PUM1: variants seen among roughly 807,000 people sequenced by gnomAD.
The protein encoded by PUM1 is pumilio RNA binding family member 1.
In PUM1, 13 loss-of-function variants were observed where a neutral mutation model predicts 131.8. The ratio of observed to expected loss-of-function variants is 0.10; its 90% CI spans 0.06 to 0.16. The LOEUF is 0.16. PUM1 is among the 10% of genes least tolerant of loss of function. The probability of loss-of-function intolerance (pLI) is 1.00; values close to 1 mark genes in which losing one functional copy is unlikely to be tolerated. For missense variants in PUM1, 961 were observed against 1,512.4 expected, an observed-to-expected ratio of 0.64 and a Z score of 6.05; for synonymous variants, 509 against 556.5, an observed-to-expected ratio of 0.91 and a Z score of 1.20.
Position 30,966,501 on chromosome 1 carries a change from T to C in PUM1, c.1790-223A>G, listed in dbSNP as rs1456836874. On this transcript the variant is annotated intron_variant, in intron 12 of 21. Coordinates refer to ENST00000426105, the MANE Select transcript of PUM1 (RefSeq NM_001020658.2). Reference sequence around the variant, plus strand: ...CACTAGAACAAGTTCACTATGCTGGTTGCTTTTAAGAGTATACAGATTAAA... The same window carrying C: ...CACTAGAACAAGTTCACTATGCTGGCTGCTTTTAAGAGTATACAGATTAAA... 5 of 515,772 alleles carry C rather than the reference T, an allele frequency of 9.7e-6. No individual in the cohort carries two copies. The Admixed American group carries it at 1.1e-4, about 11-fold the overall frequency. 31.9% of individuals were successfully genotyped at this position (515,772 alleles called of 1,614,324 possible). A position where few individuals can be genotyped will look rare whatever the true frequency, so the allele number is the denominator to read the frequency against.
At chr1:30,980,007 T>C (rs1641297557) in intron 9 of PUM1, 55 bp downstream of exon 9, 1 of 1,281,804 alleles carries the variant, frequency 7.8e-7, no homozygotes, top group Non-Finnish European at 1.1e-6. Context: ...TGCACGCCCA[T>C]CTCAAATGAC....
chr1:30,964,554 G>C, intron 14 of PUM1, 120 bp downstream of exon 14: 3 of 843,016 alleles, frequency 3.6e-6, no homozygotes, highest in Non-Finnish European at 5.9e-6. Flanking sequence ...GGAAGGCACA[G>C]AACACCCAGG....
intron 6 of PUM1, among the ~76,000 whole-genome samples, chr1:30,994,526 A>T (rs1401654431): frequency 6.6e-6 from 1 of 152,250 alleles, no homozygotes; most frequent in African/African-American, 2.4e-5. Context: ...GATATGATTA[A>T]GAACAAATCA....
chr1:30,989,916 T>C (rs1226814236), intron 7 of PUM1, among the ~76,000 whole-genome samples: 1 of 152,222 alleles, frequency 6.6e-6, no homozygotes, highest in Non-Finnish European at 1.5e-5. Context: ...CAGAGAATTA[T>C]GTACATTTTT....
At chr1:31,017,512 G>A (rs533818347) in intron 3 of PUM1, among the ~76,000 whole-genome samples, 38 of 151,954 alleles carry the variant, frequency 2.5e-4, no homozygotes, top group Non-Finnish European at 4.0e-4. Context: ...TTTATTTTGC[G>A]ATTTTTTTCT....
intron 3 of PUM1, among the ~76,000 whole-genome samples, chr1:31,025,178 A>G (rs1643176704): frequency 6.6e-6 from 1 of 152,210 alleles, no homozygotes; most frequent in Admixed American, 6.5e-5. Flanking sequence ...TTGGAGAGTG[A>G]TATTTTTAAG....
chr1:31,001,520 G>C (rs1190829764), intron 5 of PUM1, among the ~76,000 whole-genome samples: 1 of 152,116 alleles, frequency 6.6e-6, no homozygotes, highest in Non-Finnish European at 1.5e-5. Flanking sequence ...AAGCAATACA[G>C]CTAAAAATTG....
chr1:31,042,831 G>A (rs993511578), intron 2 of PUM1, among the ~76,000 whole-genome samples: 6 of 152,126 alleles, frequency 3.9e-5, no homozygotes, highest in Non-Finnish European at 7.4e-5. Context: ...GTAGCACGAC[G>A]TCGGCTCACT....
chr1:31,005,078 T>C (rs1182100763), intron 5 of PUM1, among the ~76,000 whole-genome samples: 1 of 152,194 alleles, frequency 6.6e-6, no homozygotes, highest in Non-Finnish European at 1.5e-5. Flanking sequence ...AGTCGCAGAA[T>C]TCAAAATGAG....
intron 19 of PUM1, 149 bp from the exon 20 acceptor site, chr1:30,941,421 G>A: frequency 1.4e-6 from 1 of 730,284 alleles, no homozygotes; most frequent in Non-Finnish European, 2.1e-6. Context: ...TTTAAGACAG[G>A]TAGTAACGTT....
At chr1:30,976,248 T>C (rs942461895) in intron 9 of PUM1, among the ~76,000 whole-genome samples, 7 of 152,216 alleles carry the variant, frequency 4.6e-5, no homozygotes, top group African/African-American at 1.7e-4. Flanking sequence ...AATCTAATTA[T>C]AGAATTCTAT....
chr1:31,011,960 A>G (rs1304657866), intron 3 of PUM1, among the ~76,000 whole-genome samples: 1 of 152,252 alleles, frequency 6.6e-6, no homozygotes, highest in African/African-American at 2.4e-5. Context: ...AGATGTAGCC[A>G]GTATTATCCA....
chr1:31,053,293 C>A (rs1268958644), intron 2 of PUM1, among the ~76,000 whole-genome samples: 1 of 150,772 alleles, frequency 6.6e-6, no homozygotes, highest in African/African-American at 2.4e-5. Flanking sequence ...AGCCACCACG[C>A]CCAGTCCACA....
chr1:31,035,350 A>G (rs1643572890), intron 2 of PUM1, among the ~76,000 whole-genome samples: 1 of 151,580 alleles, frequency 6.6e-6, no homozygotes, highest in Non-Finnish European at 1.5e-5. Flanking sequence ...CCGAGACTGC[A>G]CCACTGCACT....
chr1:30,979,951 G>T, intron 9 of PUM1, 111 bp downstream of exon 9: 1 of 721,006 alleles, frequency 1.4e-6, no homozygotes, highest in Non-Finnish European at 2.2e-6. Context: ...TTGAAAATCT[G>T]GATAATCTCC....
intron 20 of PUM1, among the ~76,000 whole-genome samples, chr1:30,937,741 C>T (rs899356634): frequency 1.3e-5 from 2 of 151,976 alleles, no homozygotes; most frequent in African/African-American, 2.4e-5. Context: ...CAAAAAAATA[C>T]ATCAGTGGCT....
chr1:30,942,076 T>C lies in PUM1; in HGVS notation c.3042A>G (p.Arg1014=), dbSNP rs748647736. ...GGTCAGGGAGACAGTGCTCCAGGAT[T>C]CTCTGAATCACTCGGCAGCCATAAG... is the stretch of plus-strand genomic sequence containing the variant. The part of the protein sequence containing the change: ...THPYGCRVIQ[R]ILEHCLPDQT... The change falls in exon 19 of 22, where the codon AGA becomes AGG. Residue 1014 remains arginine (R), a synonymous_variant. Coordinates refer to ENST00000426105, the MANE Select transcript of PUM1 (RefSeq NM_001020658.2). 1.3e-6 allele frequency: 2 copies of C among 1,595,930 alleles called. No individual in the cohort carries two copies. Among genetic ancestry groups the C allele is most frequent in the South Asian group, 2.2e-5 (2 of 90,852 alleles).
chr1:30,989,828 C>T, intron 7 of PUM1, among the ~76,000 whole-genome samples: 1 of 152,078 alleles, frequency 6.6e-6, no homozygotes. Flanking sequence ...CTACAAAGAA[C>T]AAAAGATATG....
At chr1:30,965,701 T>C (rs555995363) in intron 13 of PUM1, among the ~76,000 whole-genome samples, 2 of 152,318 alleles carry the variant, frequency 1.3e-5, no homozygotes, top group Admixed American at 1.3e-4. Context: ...ATTTCTACAG[T>C]TCCCTCAATA....
Sources: gnomAD v4.1 joint callset for allele counts (sites outside exome capture counted in the v4.1 genomes callset) on GRCh38, gnomAD v4.1.1 for gene constraint, MANE v1.5 for transcripts, NCBI Gene and HGNC (gene_info 2026-07-23, HGNC 2026-07-21) for gene names.